FHIP1A: variants seen among roughly 807,000 people sequenced by gnomAD.
The protein encoded by FHIP1A is FHF complex subunit HOOK interacting protein 1A.
A neutral mutation model predicts 88.6 loss-of-function variants in FHIP1A; 61 were observed. The ratio of observed to expected loss-of-function variants is 0.69; its 90% CI spans 0.56 to 0.85. FHIP1A has a LOEUF of 0.85. FHIP1A is among the 40% of genes least tolerant of loss of function. The probability of loss-of-function intolerance (pLI) is 0.00; values close to 1 mark genes in which losing one functional copy is unlikely to be tolerated. For missense variants in FHIP1A, 1,154 were observed against 1,273.5 expected, an observed-to-expected ratio of 0.91 and a Z score of 1.43; for synonymous variants, 478 against 496.0, an observed-to-expected ratio of 0.96 and a Z score of 0.48.
chr4:151,491,127 A>G (rs139959454), intron 3 of FHIP1A, among the ~76,000 whole-genome samples: 115 of 152,322 alleles, frequency 7.5e-4, no homozygotes, highest in African/African-American at 2.5e-3. Flanking sequence ...ATCCAAATAT[A>G]AGAAGCTCAA....
intron 2 of FHIP1A, among the ~76,000 whole-genome samples, chr4:151,461,960 C>T (rs1172141414): frequency 6.6e-6 from 1 of 152,046 alleles, no homozygotes; most frequent in Non-Finnish European, 1.5e-5. Flanking sequence ...GCCAGAAGTT[C>T]GAGACCAGTC....
At chr4:151,437,798 A>G (rs914748002) in intron 1 of FHIP1A, among the ~76,000 whole-genome samples, 3 of 152,146 alleles carry the variant, frequency 2.0e-5, no homozygotes, top group Non-Finnish European at 2.9e-5. Flanking sequence ...ATGAAGATGA[A>G]CCTCATTAAC....
intron 3 of FHIP1A, among the ~76,000 whole-genome samples, chr4:151,526,618 C>T (rs1008836384): frequency 6.1e-5 from 9 of 146,386 alleles, no homozygotes; most frequent in Admixed American, 5.4e-4. Flanking sequence ...AGGGGCTGAT[C>T]CCCCCACCTC....
intron 3 of FHIP1A, among the ~76,000 whole-genome samples, chr4:151,514,723 C>A (rs919916409): frequency 1.3e-5 from 2 of 151,790 alleles, no homozygotes; most frequent in African/African-American, 2.4e-5. Flanking sequence ...ATAAATTCCT[C>A]GACACATACA....
intron 3 of FHIP1A, among the ~76,000 whole-genome samples, chr4:151,522,081 T>C (rs866200076): frequency 1.3e-5 from 2 of 152,228 alleles, no homozygotes; most frequent in South Asian, 4.1e-4. Flanking sequence ...ACTTTCACTA[T>C]CACTCTATGA....
At chr4:151,516,762 A>T (rs1731254185) in intron 3 of FHIP1A, among the ~76,000 whole-genome samples, 1 of 152,202 alleles carries the variant, frequency 6.6e-6, no homozygotes, top group South Asian at 2.1e-4. Context: ...ATACCATCTC[A>T]CACCAGTTAG....
At chr4:151,508,769 C>G (rs1730920905) in intron 3 of FHIP1A, among the ~76,000 whole-genome samples, 2 of 152,196 alleles carry the variant, frequency 1.3e-5, no homozygotes, top group Non-Finnish European at 1.5e-5. Context: ...TGACTTGACC[C>G]TGTCAGAGAC....
chr4:151,609,779 G>A (rs780954402), intron 7 of FHIP1A, among the ~76,000 whole-genome samples: 168 of 152,200 alleles, frequency 1.1e-3, no homozygotes, highest in Non-Finnish European at 8.8e-5. Context: ...CACACAACAA[G>A]TAGTGAACTA....
intron 3 of FHIP1A, among the ~76,000 whole-genome samples, chr4:151,538,538 G>C (rs1185636683): frequency 6.6e-6 from 1 of 152,144 alleles, no homozygotes; most frequent in Non-Finnish European, 1.5e-5. Flanking sequence ...TCTTAGGAAT[G>C]CTAAAGTTTT....
chr4:151,488,928 G>A (rs570429705), intron 3 of FHIP1A, among the ~76,000 whole-genome samples: 1 of 152,270 alleles, frequency 6.6e-6, no homozygotes, highest in Non-Finnish European at 1.5e-5. Flanking sequence ...GTGGGAAAAT[G>A]GCAGATAGGA....
At chr4:151,468,181 C>T (rs757588724) in intron 2 of FHIP1A, among the ~76,000 whole-genome samples, 6 of 145,418 alleles carry the variant, frequency 4.1e-5, no homozygotes, top group East Asian at 4.3e-4. Flanking sequence ...GCTACTCCGG[C>T]GGCTGAGGCA....
chr4:151,456,718 A>T lies in FHIP1A; in HGVS notation c.-248+1910A>T, dbSNP rs185783184. 7.2e-5 allele frequency among the ~76,000 whole-genome samples: 11 copies of T among 152,160 alleles called. No homozygotes were observed. In the East Asian group the frequency reaches 2.1e-3, roughly 29 times the overall value. The stretch of plus-strand genomic sequence containing the variant: ...ATAATCTGGCCACTTAGAAATAACT[A>T]TTGTTATGCCCTTACTTTTTTTTCA... On this transcript the variant is annotated intron_variant, in intron 2 of 13. Coordinates refer to ENST00000435205, the MANE Select transcript of FHIP1A (RefSeq NM_001109977.3).
intron 3 of FHIP1A, among the ~76,000 whole-genome samples, chr4:151,495,120 T>C (rs1359322979): frequency 8.5e-5 from 13 of 152,186 alleles, no homozygotes. Context: ...TCATATTGTG[T>C]GCAAACAGAG....
intron 8 of FHIP1A, among the ~76,000 whole-genome samples, chr4:151,631,564 T>C (rs1479366269): frequency 6.6e-6 from 1 of 152,174 alleles, no homozygotes; most frequent in Non-Finnish European, 1.5e-5. Flanking sequence ...AATGGTGGAA[T>C]AGGAAGACCC....
At chr4:151,538,708 A>C (rs1026413886) in intron 3 of FHIP1A, among the ~76,000 whole-genome samples, 9 of 152,224 alleles carry the variant, frequency 5.9e-5, no homozygotes, top group African/African-American at 2.2e-4. Context: ...TACAGAGTCA[A>C]GTTATGGCGG....
intron 1 of FHIP1A, among the ~76,000 whole-genome samples, chr4:151,451,802 CTTTCTTTTT>C (rs1371364172): frequency 1.9e-5 from 2 of 104,906 alleles, no homozygotes; most frequent in South Asian, 2.6e-4. Flanking sequence ...TTTTCTTTTT[CTTTCTTTTT>C]TTTCTTTCTT....
intron 9 of FHIP1A, among the ~76,000 whole-genome samples, chr4:151,641,545 T>G (rs1424086992): frequency 2.6e-5 from 4 of 152,248 alleles, no homozygotes; most frequent in Non-Finnish European, 5.9e-5. Context: ...TTTGCAATTT[T>G]TTTTTCTTTT....
chr4:151,426,673 T>A lies in FHIP1A; in HGVS notation c.-356+17208T>A, dbSNP rs10028035. 2.6e-3 allele frequency among the ~76,000 whole-genome samples: 400 copies of A among 151,932 alleles called. 2 individuals are homozygous for A. Among genetic ancestry groups the A allele is most frequent in the African/African-American group, 9.4e-3 (388 of 41,428 alleles). On this transcript the variant is annotated intron_variant, in intron 1 of 13. Coordinates refer to ENST00000435205, the MANE Select transcript of FHIP1A (RefSeq NM_001109977.3). ...GGCCAACAGTTTTATTATAGGGAGG[T>A]CCCCATCTTTCAGCTGTTGTAATGT...
chr4:151,602,252 C>T (rs1012293745), intron 7 of FHIP1A, among the ~76,000 whole-genome samples: 1 of 152,124 alleles, frequency 6.6e-6, no homozygotes, highest in Non-Finnish European at 1.5e-5. Context: ...AAATCATATA[C>T]TGTTATATGC....
Sources: allele counts gnomAD v4.1 joint callset (sites outside exome capture counted in the v4.1 genomes callset), GRCh38; gene constraint gnomAD v4.1.1; transcripts MANE v1.5; gene names NCBI Gene and HGNC (gene_info 2026-07-23, HGNC 2026-07-21).